NCAM2: variants seen among roughly 807,000 people sequenced by gnomAD.
The protein encoded by NCAM2 is N-CAM-2.
In NCAM2, 30 loss-of-function variants were observed where a neutral mutation model predicts 98.1. The observed-to-expected ratio is 0.31, with a 90% CI of 0.23 to 0.41. The LOEUF is 0.41. Among genes scored for constraint, NCAM2 ranks in the 10% least tolerant of loss-of-function variants. The probability of loss-of-function intolerance (pLI) is 1.00; values close to 1 mark genes in which losing one functional copy is unlikely to be tolerated. For missense variants in NCAM2, 867 were observed against 1,005.8 expected, an observed-to-expected ratio of 0.86 and a Z score of 1.87; for synonymous variants, 368 against 342.4, an observed-to-expected ratio of 1.07 and a Z score of -0.83.
chr21:21,326,868 T>C (rs1287698758), intron 6 of NCAM2, among the ~76,000 whole-genome samples: 3 of 88 alleles, frequency 0.034, no homozygotes, highest in African/African-American at 0.077. Context: ...TCTGACCTTG[T>C]ATCTGACATA....
chr21:21,256,369 AATGATGATAAT>A, intron 1 of NCAM2, among the ~76,000 whole-genome samples: 1 of 152,200 alleles, frequency 6.6e-6, no homozygotes, highest in East Asian at 1.9e-4. Context: ...AAATAATAAT[AATGATGATAAT>A]AGTAATATTT....
At chr21:21,336,150 T>C (rs1016395101) in intron 7 of NCAM2, among the ~76,000 whole-genome samples, 3 of 152,146 alleles carry the variant, frequency 2.0e-5, no homozygotes, top group African/African-American at 4.8e-5. Context: ...GGGTAACTTA[T>C]AGAGCATATA....
At chr21:21,323,324 G>A (rs232465) in intron 5 of NCAM2, among the ~76,000 whole-genome samples, 103,813 of 151,708 alleles carry the variant, frequency 0.68, 36,282 homozygotes, top group Non-Finnish European at 0.78. Flanking sequence ...AAATTCATAA[G>A]GGCAGAAACT....
chr21:21,197,585 A>T (rs1197706406), intron 1 of NCAM2, among the ~76,000 whole-genome samples: 3 of 152,214 alleles, frequency 2.0e-5, no homozygotes, highest in African/African-American at 7.2e-5. Context: ...GAGGCATAGA[A>T]ATAAAGCAGT....
rs78929821 is a variant in NCAM2 at position 21,284,999 on chromosome 21, T to C, written c.337+599T>C. Among the ~76,000 whole-genome samples the C allele has an allele frequency of 5.3e-3, 811 of 151,944 alleles. 11 individuals carry two copies. Among genetic ancestry groups the C allele is most frequent in the African/African-American group, 0.018 (766 of 41,502 alleles). On this transcript the variant is annotated intron_variant, in intron 3 of 17. Transcript: ENST00000400546. ...AGAACCATTAACCTGTTTAGGAACA[T>C]TGAAATCTGTTGACTCCTGCATTTT... is the stretch of plus-strand genomic sequence containing the variant.
intron 1 of NCAM2, among the ~76,000 whole-genome samples, chr21:21,007,685 A>G (rs1267031810): frequency 2.6e-5 from 4 of 152,156 alleles, no homozygotes; most frequent in Admixed American, 6.5e-5. Context: ...CTAAGGTACT[A>G]TGAGCTGTGA....
intron 2 of NCAM2, among the ~76,000 whole-genome samples, chr21:21,281,153 T>G (rs1189909597): frequency 6.6e-6 from 1 of 152,250 alleles, no homozygotes; most frequent in South Asian, 2.1e-4. Context: ...AAAATGATAT[T>G]AATTTTATTT....
At chr21:21,042,711 T>G (rs946659425) in intron 1 of NCAM2, among the ~76,000 whole-genome samples, 12 of 152,288 alleles carry the variant, frequency 7.9e-5, no homozygotes, top group African/African-American at 2.6e-4. Flanking sequence ...ACAGTGTTTA[T>G]GTTAAGCACC....
intron 8 of NCAM2, among the ~76,000 whole-genome samples, chr21:21,370,119 A>G (rs894907818): frequency 6.6e-6 from 1 of 151,814 alleles, no homozygotes; most frequent in Non-Finnish European, 1.5e-5. Flanking sequence ...TTCCTGACTT[A>G]TCATTTTGAC....
chr21:21,020,720 C>A (rs749895212), intron 1 of NCAM2, among the ~76,000 whole-genome samples: 9 of 152,170 alleles, frequency 5.9e-5, no homozygotes, highest in Non-Finnish European at 1.3e-4. Flanking sequence ...ATACCCCCAG[C>A]TAGTTCGGTA....
intron 1 of NCAM2, among the ~76,000 whole-genome samples, chr21:21,061,592 T>C (rs972970388): frequency 1.3e-5 from 2 of 152,018 alleles, no homozygotes; most frequent in African/African-American, 4.8e-5. Flanking sequence ...ATACTAATTA[T>C]GTTGGAATCA....
Position 21,012,435 on chromosome 21 carries a change from A to G in NCAM2, c.55+13817A>G, listed in dbSNP as rs73895106. 8.5e-3 allele frequency among the ~76,000 whole-genome samples: 1,295 copies of G among 152,250 alleles called. 23 individuals are homozygous for G. The highest frequency in any genetic ancestry group is 0.029 in the African/African-American group (1,216 of 41,546). On this transcript the variant is annotated intron_variant, in intron 1 of 17. Transcript: ENST00000400546. ...TATCATAGTGAAATTACATCAGTTT[A>G]GGATGCTTTTAGGGGCAAAGAAGAG...
chr21:21,094,713 T>G (rs2066083024), intron 1 of NCAM2, among the ~76,000 whole-genome samples: 1 of 151,750 alleles, frequency 6.6e-6, no homozygotes, highest in South Asian at 2.1e-4. Flanking sequence ...CAGGGATAAC[T>G]TTCTGCAAGG....
chr21:21,380,394 C>A (rs1180483878), intron 9 of NCAM2, among the ~76,000 whole-genome samples: 5 of 152,088 alleles, frequency 3.3e-5, no homozygotes, highest in Admixed American at 6.6e-5. Flanking sequence ...GTGTTACTTT[C>A]CTGTTGCTGC....
chr21:21,077,824 A>C (rs1212376476), intron 1 of NCAM2, among the ~76,000 whole-genome samples: 1 of 152,124 alleles, frequency 6.6e-6, no homozygotes, highest in African/African-American at 2.4e-5. Context: ...ATTTATTGGC[A>C]CATTATTTTA....
At chr21:21,121,674 A>T (rs979253054) in intron 1 of NCAM2, among the ~76,000 whole-genome samples, 2 of 152,220 alleles carry the variant, frequency 1.3e-5, no homozygotes, top group African/African-American at 4.8e-5. Context: ...TAGCCAGTTG[A>T]AGCAAAAAAG....
intron 10 of NCAM2, among the ~76,000 whole-genome samples, chr21:21,412,895 A>G (rs1396937040): frequency 1.3e-5 from 2 of 152,174 alleles, no homozygotes; most frequent in Admixed American, 6.5e-5. Flanking sequence ...ACTTTTGTTT[A>G]GTAATTATTG....
At chr21:21,260,639 T>TC (rs2071862406) in intron 1 of NCAM2, among the ~76,000 whole-genome samples, 1 of 152,004 alleles carries the variant, frequency 6.6e-6, no homozygotes, top group Admixed American at 6.6e-5. Context: ...ATAAAGTCTT[T>TC]CCCAGACAAG....
intron 1 of NCAM2, among the ~76,000 whole-genome samples, chr21:21,253,440 G>A (rs920973928): frequency 5.9e-5 from 9 of 152,000 alleles, no homozygotes; most frequent in African/African-American, 2.2e-4. Context: ...TTAGGTCATT[G>A]GAGCCCTTAT....
Sources: allele counts gnomAD v4.1 joint callset (sites outside exome capture counted in the v4.1 genomes callset), GRCh38; gene constraint gnomAD v4.1.1; transcripts MANE v1.5; gene names NCBI Gene and HGNC (gene_info 2026-07-23, HGNC 2026-07-21).